RAB3IP: variants seen among roughly 807,000 people sequenced by gnomAD.
RAB3IP encodes the protein RAB3A interacting protein.
A neutral mutation model predicts 59.1 loss-of-function variants in RAB3IP; 36 were observed. The observed-to-expected ratio is 0.61, with a 90% CI of 0.47 to 0.80. The LOEUF is 0.80. Among genes scored for constraint, RAB3IP ranks in the 30% least tolerant of loss-of-function variants. The probability of loss-of-function intolerance (pLI) is 0.00; values close to 1 mark genes in which losing one functional copy is unlikely to be tolerated. For missense variants in RAB3IP, 511 were observed against 536.0 expected (o/e 0.95, Z 0.46); for synonymous variants, 207 against 191.2 (o/e 1.08, Z -0.68).
At chr12:69,755,934 T>G (rs1313768633) in intron 2 of RAB3IP, among the ~76,000 whole-genome samples, 3 of 152,236 alleles carry the variant, frequency 2.0e-5, no homozygotes, top group Non-Finnish European at 4.4e-5. Context: ...AGACAGTATG[T>G]AAATGAATGA....
intron 1 of RAB3IP, among the ~76,000 whole-genome samples, chr12:69,748,227 A>G (rs901504016): frequency 6.6e-6 from 1 of 152,116 alleles, no homozygotes; most frequent in African/African-American, 2.4e-5. Flanking sequence ...TAAAATATGT[A>G]TATGCATTTT....
intron 3 of RAB3IP, among the ~76,000 whole-genome samples, chr12:69,779,606 G>A (rs1355145190): frequency 1.4e-5 from 2 of 146,758 alleles, no homozygotes; most frequent in Admixed American, 6.8e-5. Flanking sequence ...CTCACTCATC[G>A]TTTCTTCGCT....
rs924558734 is a variant in RAB3IP at position 69,816,177 on chromosome 12, G to C, written c.*731G>C. On this transcript the variant is annotated 3_prime_UTR_variant, in exon 11 of 11. Coordinates refer to ENST00000247833, the MANE Select transcript of RAB3IP (RefSeq NM_022456.5). ...GTAAATGAGTTTGACGTGTGTCAAA[G>C]GGGTTTAAAGGGGTGTGGATTGAAT... 4 of 152,322 alleles carry C rather than the reference G, an allele frequency of 2.6e-5. No individual in the cohort carries two copies. The highest frequency in any genetic ancestry group is 9.6e-5 in the African/African-American group (4 of 41,566). 9.4% of individuals were successfully genotyped at this position (152,322 alleles called of 1,614,324 possible).
intron 3 of RAB3IP, among the ~76,000 whole-genome samples, chr12:69,767,755 A>G (rs557743019): frequency 2.2e-4 from 34 of 152,196 alleles, no homozygotes; most frequent in Admixed American, 6.5e-4. Context: ...GGTGCTTTGA[A>G]TGCCTGGAGA....
Position 69,756,431 on chromosome 12 carries a change from GCT to G in RAB3IP, c.281_282del (p.Ser94TyrfsTer10). On this transcript the variant is annotated frameshift_variant, in exon 3 of 11. Coordinates refer to ENST00000247833, the MANE Select transcript of RAB3IP (RefSeq NM_022456.5). LOFTEE classifies it high-confidence loss of function. ...TTTCATGTTACAGACCCAGCCCCTT[GCT>G]CTACCTCTGGAGTCACAGCTGGATT... The G allele has an allele frequency of 1.2e-6, 2 of 1,614,008 alleles. No homozygotes were observed. Among genetic ancestry groups the G allele is most frequent in the Non-Finnish European group, 1.7e-6 (2 of 1,179,924 alleles).
rs1881549134 is a variant in RAB3IP at position 69,820,162 on chromosome 12, G to A, written c.*4716G>A. ...TTTCTATAAGACACTGCTTAAAAGA[G>A]TCCAATGCAGTATGAATTTGTATTT... is the stretch of plus-strand genomic sequence containing the variant. On this transcript the variant is annotated 3_prime_UTR_variant, in exon 11 of 11. Transcript: ENST00000247833. 1 of 152,140 alleles carries A rather than the reference G, an allele frequency of 6.6e-6. No homozygotes were observed. Among genetic ancestry groups the A allele is most frequent in the Non-Finnish European group, 1.5e-5 (1 of 68,038 alleles). 9.4% of individuals were successfully genotyped at this position (152,140 alleles called of 1,614,324 possible). A position where few individuals can be genotyped will look rare whatever the true frequency, so the allele number is the denominator to read the frequency against.
At chr12:69,798,324 T>C (rs1289389487) in intron 6 of RAB3IP, among the ~76,000 whole-genome samples, 1 of 151,858 alleles carries the variant, frequency 6.6e-6, no homozygotes. Flanking sequence ...AATGTCTTCG[T>C]TTGAGAAGTG....
chr12:69,755,133 G>A (rs994190525), intron 1 of RAB3IP, among the ~76,000 whole-genome samples: 10 of 152,112 alleles, frequency 6.6e-5, no homozygotes, highest in Non-Finnish European at 1.5e-5. Flanking sequence ...CCAGGCTGGA[G>A]TGCAGGGTTG....
chr12:69,770,270 T>G (rs1422049412), intron 3 of RAB3IP, among the ~76,000 whole-genome samples: 2 of 152,206 alleles, frequency 1.3e-5, no homozygotes, highest in Non-Finnish European at 2.9e-5. Flanking sequence ...GGGGGTTTTG[T>G]TCCAGTCCTC....
chr12:69,779,235 C>A (rs868029619), intron 3 of RAB3IP: 1 of 143,652 alleles, frequency 7.0e-6, no homozygotes, highest in African/African-American at 2.6e-5. Context: ...TGACCCCTTG[C>A]GCTTCCCAGG....
intron 6 of RAB3IP, chr12:69,796,735 G>T (rs115164929): frequency 2.6e-5 from 13 of 505,560 alleles, no homozygotes; most frequent in African/African-American, 2.2e-4. Context: ...AAACTTCTTT[G>T]TCCTAACTTT....
rs755086598 is a variant in RAB3IP, at chr12:69,755,508, A to G, written c.100A>G (p.Thr34Ala). ...GTATGAATCAGGAACTCAAGAGCAG[A>G]CTACCTCACCAAGTGTCATCTACCG... ...GVYESGTQEQ[T>A]TSPSVIYRPH... Residue 34 changes from threonine to alanine, a missense_variant, in exon 2 of 11, where the codon ACT (threonine) becomes GCT (alanine). By Grantham distance (58) the Thr-to-Ala change is moderately conservative (BLOSUM62 0). Transcript: ENST00000247833. The G allele has an allele frequency of 1.9e-6, 3 of 1,614,100 alleles. No individual in the cohort carries two copies. Among genetic ancestry groups the G allele is most frequent in the Non-Finnish European group, 2.5e-6 (3 of 1,180,006 alleles).
intron 7 of RAB3IP, 152 bp downstream of exon 7, chr12:69,800,489 T>C (rs1878206764): frequency 1.9e-6 from 1 of 519,746 alleles, no homozygotes. Flanking sequence ...ACTAGAATCA[T>C]GATAATTTCT....
chr12:69,755,301 A>G (rs1870014893), intron 1 of RAB3IP, 83 bp from the exon 2 acceptor site: 2 of 1,226,922 alleles, frequency 1.6e-6, no homozygotes. Flanking sequence ...GGACTGTTAA[A>G]CACATTTTAT....
At position 69,755,399 on chromosome 12, in the gene RAB3IP, G is replaced by C; in HGVS notation, c.-10G>C. 1 of 1,613,672 alleles carries C rather than the reference G, an allele frequency of 6.2e-7. No individual in the cohort carries two copies. Among genetic ancestry groups the C allele is most frequent in the Non-Finnish European group, 8.5e-7 (1 of 1,179,776 alleles). ...TTTAACATAGGTTATCTTATGATGA[G>C]GCTTTTGCTATGGCTAATGATCCCT... On this transcript the variant is annotated 5_prime_UTR_variant, in exon 2 of 11. Transcript: ENST00000247833.
At position 69,817,460 on chromosome 12, in the gene RAB3IP, A is replaced by G. The variant is rs1881247613; in HGVS notation, c.*2014A>G. 6.6e-6 allele frequency: 1 copy of G among 151,842 alleles called. No homozygotes were observed. Among genetic ancestry groups the G allele is most frequent in the African/African-American group, 2.4e-5 (1 of 41,322 alleles). The allele number at this position is 151,842 out of a possible 1,614,324, so 9.4% of individuals were successfully genotyped here. ...TGGAAGCAGGAAAAAAAAAAACCATAAAAGATAACCATAAAAGAATATAAG... is the reference window on the plus strand; with the variant it reads ...TGGAAGCAGGAAAAAAAAAAACCATGAAAGATAACCATAAAAGAATATAAG... On this transcript the variant is annotated 3_prime_UTR_variant, in exon 11 of 11. Coordinates refer to ENST00000247833, the MANE Select transcript of RAB3IP (RefSeq NM_022456.5).
intron 1 of RAB3IP, chr12:69,739,507 C>G (rs193198414): frequency 7.4e-4 from 240 of 323,596 alleles, no homozygotes; most frequent in African/African-American, 4.1e-3. Context: ...ACACCGGACG[C>G]CGCGCGGCAG....
intron 6 of RAB3IP, among the ~76,000 whole-genome samples, chr12:69,799,503 C>T (rs1878040756): frequency 6.6e-6 from 1 of 152,036 alleles, no homozygotes; most frequent in Non-Finnish European, 1.5e-5. Context: ...AGGCAGGTGC[C>T]AGCAGTGGAT....
At chr12:69,791,936 A>C (rs1876689510) in intron 4 of RAB3IP, among the ~76,000 whole-genome samples, 1 of 152,032 alleles carries the variant, frequency 6.6e-6, no homozygotes, top group Non-Finnish European at 1.5e-5. Flanking sequence ...GAATGGATAA[A>C]GAAAATGTGG....
Sources: gnomAD v4.1 joint callset for allele counts (sites outside exome capture counted in the v4.1 genomes callset) on GRCh38, gnomAD v4.1.1 for gene constraint, MANE v1.5 for transcripts, NCBI Gene and HGNC (gene_info 2026-07-23, HGNC 2026-07-21) for gene names.